EYS: variants seen among roughly 807,000 people sequenced by gnomAD.
The protein encoded by EYS is protein eyes shut homolog.
Under a neutral mutation model 282.1 loss-of-function variants are expected in EYS, and 250 were observed. The observed-to-expected ratio is 0.89, with a 90% CI of 0.80 to 0.98. The LOEUF (loss-of-function observed/expected upper bound fraction) is 0.98. Among genes scored for constraint, EYS ranks in the 50% least tolerant of loss-of-function variants. The probability of loss-of-function intolerance (pLI) is 0.00; values close to 1 mark genes in which losing one functional copy is unlikely to be tolerated. For synonymous variants in EYS, 1,355 were observed against 1,282.9 expected, an observed-to-expected ratio of 1.06 and a Z score of -1.20; for missense variants, 4,016 against 3,709.0, an observed-to-expected ratio of 1.08 and a Z score of -2.15.
At chr6:65,101,118 C>G (rs1385468145) in intron 12 of EYS, among the ~76,000 whole-genome samples, 1 of 150,904 alleles carries the variant, frequency 6.6e-6, no homozygotes, top group African/African-American at 2.4e-5. Flanking sequence ...AATTACATGT[C>G]AAAAGGAATG....
In EYS at chr6:64,630,363, C is replaced by A. The variant is rs567262875; in HGVS notation, c.3444-4118G>T. Reference sequence around the variant, plus strand: ...CCACCTGCCTCGGACTCCCAAAGTGCTGGGATTACAGGCATAAGCCACCAC... The same window carrying A: ...CCACCTGCCTCGGACTCCCAAAGTGATGGGATTACAGGCATAAGCCACCAC... On this transcript the variant is annotated intron_variant, in intron 22 of 42. Coordinates refer to ENST00000503581, the MANE Select transcript of EYS (RefSeq NM_001142800.2). 1.0e-3 allele frequency among the ~76,000 whole-genome samples: 154 copies of A among 152,280 alleles called. 1 individual carries two copies. The highest frequency in any genetic ancestry group is 1.8e-3 in the Non-Finnish European group (125 of 68,018).
intron 26 of EYS, among the ~76,000 whole-genome samples, chr6:64,472,850 C>T (rs1483917952): frequency 6.6e-6 from 1 of 152,058 alleles, no homozygotes; most frequent in Non-Finnish European, 1.5e-5. Flanking sequence ...CCACACATAC[C>T]ATTCCTTAGT....
rs557109082 is a variant in EYS at position 63,884,829 on chromosome 6, A to C, written c.7056-20471T>G. On this transcript the variant is annotated intron_variant, in intron 35 of 42. Transcript: ENST00000503581. ...TGGAGAGGCGGAATCTTTCTTCTTC[A>C]ATACACTTTTTTTTTTGAAAATGTA... is the stretch of plus-strand genomic sequence containing the variant. 2.0e-4 allele frequency among the ~76,000 whole-genome samples: 31 copies of C among 152,204 alleles called. No homozygotes were observed. The South Asian group carries it at 6.2e-3, about 30-fold the overall frequency.
intron 19 of EYS, among the ~76,000 whole-genome samples, chr6:64,876,599 AAC>A (rs1281329182): frequency 2.0e-5 from 3 of 152,184 alleles, no homozygotes; most frequent in Admixed American, 1.3e-4. Flanking sequence ...AGAGAAAATA[AAC>A]AGTTAAGTGA....
intron 36 of EYS, among the ~76,000 whole-genome samples, chr6:63,820,830 C>T (rs539392666): frequency 1.6e-4 from 24 of 152,126 alleles, no homozygotes; most frequent in East Asian, 3.9e-4. Context: ...ACACTGATAA[C>T]GATGATAGTA....
rs187629136 is a variant in EYS, at chr6:65,070,197, T to C, written c.2024-12470A>G. On this transcript the variant is annotated intron_variant, in intron 12 of 42. Coordinates refer to ENST00000503581, the MANE Select transcript of EYS (RefSeq NM_001142800.2). ...TTCTAAGTGGCTTTCCTGCTTTGGG[T>C]CTTATCTACGTGCTAATTCATTCTT... 2.5e-3 allele frequency among the ~76,000 whole-genome samples: 385 copies of C among 152,104 alleles called. 1 individual carries two copies. The highest frequency in any genetic ancestry group is 8.8e-3 in the African/African-American group (367 of 41,538).
intron 35 of EYS, among the ~76,000 whole-genome samples, chr6:63,915,747 G>A (rs557311679): frequency 6.6e-6 from 1 of 152,296 alleles, no homozygotes; most frequent in East Asian, 1.9e-4. Flanking sequence ...GACTTTGAGG[G>A]GTTCAGAACT....
chr6:64,884,432 A>G (rs1767021510), intron 19 of EYS, among the ~76,000 whole-genome samples: 1 of 151,582 alleles, frequency 6.6e-6, no homozygotes, highest in Non-Finnish European at 1.5e-5. Flanking sequence ...AAAAATATAC[A>G]AAAGTATAAC....
intron 22 of EYS, among the ~76,000 whole-genome samples, chr6:64,793,431 A>C (rs922795905): frequency 2.6e-5 from 4 of 152,146 alleles, no homozygotes; most frequent in African/African-American, 4.8e-5. Context: ...CGAGGATCTT[A>C]AGTAATAGTA....
At position 64,066,339 on chromosome 6, in the gene EYS, G is replaced by C. The variant is rs990350691; in HGVS notation, c.6724C>G (p.Arg2242Gly). 8.4e-6 allele frequency: 13 copies of C among 1,549,588 alleles called. No homozygotes were observed. The Middle Eastern group carries it at 5.0e-4, about 60-fold the overall frequency. Residue 2242 changes from arginine (R) to glycine (G), a missense_variant and splice_region_variant, in exon 33 of 43, where the codon CGC (arginine) becomes GGC (glycine). Arg to Gly is a moderately radical substitution (Grantham distance 125). Coordinates refer to ENST00000503581, the MANE Select transcript of EYS (RefSeq NM_001142800.2). ...NTNAFTPITI[R>G]YTTPVGSPGV... ...ACTACCGTGGAGTACAGTACTTACC[G>C]TATTGTGATAGGGGTGAATGCATTT...
chr6:64,861,144 T>G (rs1008221992), intron 19 of EYS, among the ~76,000 whole-genome samples: 1 of 152,222 alleles, frequency 6.6e-6, no homozygotes, highest in African/African-American at 2.4e-5. Context: ...GTGTCCAGGC[T>G]GTTCATGCCC....
chr6:64,726,418 T>C (rs947822244), intron 22 of EYS, among the ~76,000 whole-genome samples: 1 of 152,152 alleles, frequency 6.6e-6, no homozygotes, highest in Non-Finnish European at 1.5e-5. Context: ...TCTCTAATCT[T>C]TTAAATATGC....
At position 65,495,479 on chromosome 6, in the gene EYS, G is replaced by A. The variant is rs1766225632; in HGVS notation, c.-69C>T. On this transcript the variant is annotated 5_prime_UTR_variant, in exon 4 of 43. Transcript: ENST00000503581. Reference sequence around the variant, plus strand: ...CAAAATGGTGTTTTAAGTATTACCGGAAATTTCCAAGTAAAGTTGTGGTTA... The same window carrying A: ...CAAAATGGTGTTTTAAGTATTACCGAAAATTTCCAAGTAAAGTTGTGGTTA... 1.3e-6 allele frequency: 2 copies of A among 1,535,102 alleles called. No individual in the cohort carries two copies. Among genetic ancestry groups the A allele is most frequent in the East Asian group, 2.3e-5 (1 of 43,928 alleles).
At chr6:64,673,102 C>T (rs1412409443) in intron 22 of EYS, among the ~76,000 whole-genome samples, 1 of 151,924 alleles carries the variant, frequency 6.6e-6, no homozygotes, top group Non-Finnish European at 1.5e-5. Context: ...TTTTATAATT[C>T]AAAAAGTTGG....
intron 31 of EYS, among the ~76,000 whole-genome samples, chr6:64,101,094 G>A (rs1241267104): frequency 6.6e-6 from 1 of 152,094 alleles, no homozygotes; most frequent in Non-Finnish European, 1.5e-5. Flanking sequence ...ATTCCTCTCA[G>A]TTTTTTGGCT....
chr6:63,842,944 C>G (rs1353674926), intron 36 of EYS, among the ~76,000 whole-genome samples: 1 of 152,188 alleles, frequency 6.6e-6, no homozygotes, highest in East Asian at 1.9e-4. Flanking sequence ...TCTGAGGACT[C>G]TGTTCTGTTC....
Position 65,500,734 on chromosome 6 carries a change from A to C in EYS, c.-332-4741T>G, listed in dbSNP as rs577974301. 3.1e-4 allele frequency among the ~76,000 whole-genome samples: 47 copies of C among 152,112 alleles called. 1 individual carries two copies. The South Asian group carries it at 9.7e-3, about 32-fold the overall frequency. On this transcript the variant is annotated intron_variant, in intron 2 of 42. Coordinates refer to ENST00000503581, the MANE Select transcript of EYS (RefSeq NM_001142800.2). ...AAGAAGAAATAATAGGCAGAAATGT[A>C]CCTTCATTCAATTCCCTCTTATTTC...
chr6:65,125,385 C>G (rs1402427094), intron 12 of EYS, among the ~76,000 whole-genome samples: 1 of 152,116 alleles, frequency 6.6e-6, no homozygotes, highest in African/African-American at 2.4e-5. Flanking sequence ...TCATCAATTC[C>G]TTTGTCCCCC....
intron 2 of EYS, among the ~76,000 whole-genome samples, chr6:65,638,987 A>G (rs1160565958): frequency 6.6e-6 from 1 of 152,238 alleles, no homozygotes; most frequent in African/African-American, 2.4e-5. Flanking sequence ...CTTAATTACC[A>G]TGCTCTATAT....
Sources: allele counts gnomAD v4.1 joint callset (sites outside exome capture counted in the v4.1 genomes callset), GRCh38; gene constraint gnomAD v4.1.1; transcripts MANE v1.5; gene names NCBI Gene and HGNC (gene_info 2026-07-23, HGNC 2026-07-21).